Variants in SNUPN observed in about 807,000 individuals in gnomAD.
SNUPN encodes the protein snurportin 1.
In SNUPN, 31 loss-of-function variants were observed where a neutral mutation model predicts 39.2. The ratio of observed to expected loss-of-function variants is 0.79; its 90% CI spans 0.59 to 1.07. The LOEUF is 1.07. Among genes scored for constraint, SNUPN ranks in the 50% least tolerant of loss-of-function variants. The pLI, the probability that SNUPN is intolerant of heterozygous loss-of-function variation, is 0.00. For synonymous variants in SNUPN, 132 were observed against 159.0 expected, an observed-to-expected ratio of 0.83 and a Z score of 1.28; for missense variants, 382 against 434.2, an observed-to-expected ratio of 0.88 and a Z score of 1.07.
intron 2 of SNUPN, among the ~76,000 whole-genome samples, chr15:75,619,100 A>T (rs1331617058): frequency 6.7e-6 from 1 of 148,906 alleles, no homozygotes; most frequent in African/African-American, 2.5e-5. Flanking sequence ...GGGAGGGTGA[A>T]TTGGCCAGAT....
rs2075258205 is a variant in SNUPN, at chr15:75,598,389, G to C, written c.1052C>G (p.Pro351Arg). 1 of 1,614,172 alleles carries C rather than the reference G, an allele frequency of 6.2e-7. No homozygotes were observed. Among genetic ancestry groups the C allele is most frequent in the African/African-American group, 1.3e-5 (1 of 75,042 alleles). The change falls in exon 9 of 9, where the codon CCA (proline) becomes CGA (arginine). Residue 351 changes from proline (P) to arginine (R), a missense_variant. Coordinates refer to ENST00000308588, the MANE Select transcript of SNUPN (RefSeq NM_005701.4). The stretch of plus-strand genomic sequence containing the variant: ...CTCCATGAGGCATCCAGGGTGGTCT[G>C]GGCTATGGGAAGAACCCTTCAACTT... ...TPKLKGSSHS[P>R]DHPGCLMEN
chr15:75,623,492 T>G (rs1282744886), intron 1 of SNUPN, among the ~76,000 whole-genome samples: 1 of 150,786 alleles, frequency 6.6e-6, no homozygotes, highest in Non-Finnish European at 1.5e-5. Flanking sequence ...TCTCCCAGGC[T>G]GGACTACAGT....
intron 7 of SNUPN, among the ~76,000 whole-genome samples, chr15:75,603,488 C>T (rs1483301102): frequency 6.0e-5 from 9 of 149,840 alleles, no homozygotes; most frequent in Admixed American, 2.0e-4. Context: ...AGTGAAACCC[C>T]GTCTCTACTA....
At chr15:75,614,761 G>T (rs1304415510) in intron 3 of SNUPN, among the ~76,000 whole-genome samples, 1 of 152,204 alleles carries the variant, frequency 6.6e-6, no homozygotes, top group Admixed American at 6.5e-5. Context: ...AAATTGTATG[G>T]TATGTGAATT....
At chr15:75,614,058 G>A (rs1008684612) in intron 3 of SNUPN, among the ~76,000 whole-genome samples, 1 of 152,148 alleles carries the variant, frequency 6.6e-6, no homozygotes, top group Non-Finnish European at 1.5e-5. Context: ...GGGAGGCCAA[G>A]GCAGGTGGAT....
intron 1 of SNUPN, 160 bp downstream of exon 1, chr15:75,625,506 A>C (rs1322572449): frequency 6.6e-6 from 1 of 152,230 alleles, no homozygotes; most frequent in East Asian, 1.9e-4. Flanking sequence ...ACGGAATAGA[A>C]GAACGGAAAC....
chr15:75,598,460 CT>C lies in SNUPN; in HGVS notation c.980del (p.Lys327ArgfsTer18). The C allele has an allele frequency of 6.2e-7, 1 of 1,614,172 alleles. No individual in the cohort carries two copies. Among genetic ancestry groups the C allele is most frequent in the Admixed American group, 1.7e-5 (1 of 60,008 alleles). Reference sequence around the variant, plus strand: ...ATTCATAGTGCCCATTCTCAGAGGCCTTGTGTGTGAGTTTCTCCTTCATGCC... The same window carrying C: ...ATTCATAGTGCCCATTCTCAGAGGCCTGTGTGTGAGTTTCTCCTTCATGCC... ...KEGMKEKLTH[K>X]ASENGHYELE... is the part of the protein sequence containing the mutation. On this transcript the variant is annotated frameshift_variant, in exon 9 of 9. Transcript: ENST00000308588. LOFTEE classifies it low-confidence loss of function (END_TRUNC).
Position 75,617,526 on chromosome 15 carries a change from G to A in SNUPN, c.185C>T (p.Ala62Val). 1 of 1,613,200 alleles carries A rather than the reference G, an allele frequency of 6.2e-7. No homozygotes were observed. The highest frequency in any genetic ancestry group is 8.5e-7 in the Non-Finnish European group (1 of 1,179,884). ...KSKRLDYVNH[A>V]RRLAEDDWTG... ...CCAGTCATCTTCAGCCAGTCTTCTG[G>A]CATGGTTCACATAATCCAGCCGCTT... Residue 62 changes from alanine to valine, a missense_variant, in exon 3 of 9, where the codon GCC becomes GTC. By Grantham distance (64) the Ala-to-Val change is moderately conservative. Coordinates refer to ENST00000308588, the MANE Select transcript of SNUPN (RefSeq NM_005701.4).
rs1435951675 is a variant in SNUPN, at chr15:75,598,431, T to G, written c.1010A>C (p.Glu337Ala). Residue 337 changes from glutamate to alanine, a missense_variant, in exon 9 of 9, where the codon GAG becomes GCG. Transcript: ENST00000308588. ...KASENGHYEL[E>A]HLSTPKLKGS... ...CTTCAACTTGGGAGTAGACAGGTGC[T>G]CCAATTCATAGTGCCCATTCTCAGA... The G allele has an allele frequency of 1.2e-6, 2 of 1,614,200 alleles. No individual in the cohort carries two copies. The highest frequency in any genetic ancestry group is 1.7e-5 in the Admixed American group (1 of 60,020).
In SNUPN at chr15:75,616,138, T is replaced by A. The variant is rs536869076; in HGVS notation, c.303+1270A>T. Among the ~76,000 whole-genome samples, 19 of 139,952 alleles carry A rather than the reference T, an allele frequency of 1.4e-4. No homozygotes were observed. In the East Asian group the frequency reaches 2.0e-3, roughly 14 times the overall value. The allele number at this position is 139,952 out of a possible 152,430, so 91.8% of individuals were successfully genotyped here. ...GTGGGAGTGCATCCAATAACCATAT[T>A]CTATTGTGTTTTTTTTTTTCTTTAG... is the stretch of plus-strand genomic sequence containing the variant. On this transcript the variant is annotated intron_variant, in intron 3 of 8. Coordinates refer to ENST00000308588, the MANE Select transcript of SNUPN (RefSeq NM_005701.4).
At chr15:75,613,101 C>CA (rs1261055454) in intron 3 of SNUPN, among the ~76,000 whole-genome samples, 3 of 151,104 alleles carry the variant, frequency 2.0e-5, no homozygotes, top group Admixed American at 6.6e-5. Flanking sequence ...ACTGAAAATA[C>CA]AAAAAAAATT....
intron 1 of SNUPN, 115 bp from the exon 2 acceptor site, chr15:75,621,171 C>A: frequency 2.1e-6 from 2 of 937,398 alleles, no homozygotes; most frequent in Non-Finnish European, 3.2e-6. Flanking sequence ...TAACTTAATG[C>A]AAAATCACAA....
At chr15:75,625,109 G>C (rs1893185667) in intron 1 of SNUPN, 1 of 162,460 alleles carries the variant, frequency 6.2e-6, no homozygotes, top group Non-Finnish European at 1.4e-5. Context: ...TCCTTGGATG[G>C]TGCTGCCTCC....
intron 3 of SNUPN, among the ~76,000 whole-genome samples, chr15:75,616,666 T>C (rs1430836932): frequency 6.6e-6 from 1 of 152,174 alleles, no homozygotes; most frequent in African/African-American, 2.4e-5. Context: ...AAGTATATGA[T>C]AGCAGGGTAG....
rs141302808 is a variant in SNUPN, at chr15:75,615,594, A to ATTTTTTT, written c.303+1807_303+1813dup. On this transcript the variant is annotated intron_variant, in intron 3 of 8. Transcript: ENST00000308588. Reference sequence around the variant, plus strand: ...TTCCTCCTTGGTTGGAAGGAATCTCATTTTTTTTTTTTTTTTTTTTTTTTT... The same window carrying ATTTTTTT: ...TTCCTCCTTGGTTGGAAGGAATCTCATTTTTTTTTTTTTTTTTTTTTTTTTTTTTTTT... 5.9e-4 allele frequency among the ~76,000 whole-genome samples: 44 copies of ATTTTTTT among 73,978 alleles called. 1 individual carries two copies. The highest frequency in any genetic ancestry group is 1.5e-3 in the African/African-American group (29 of 19,408). 48.5% of individuals were successfully genotyped at this position (73,978 alleles called of 152,430 possible).
intron 2 of SNUPN, among the ~76,000 whole-genome samples, chr15:75,619,459 T>C (rs899522118): frequency 6.6e-6 from 1 of 151,926 alleles, no homozygotes; most frequent in Non-Finnish European, 1.5e-5. Flanking sequence ...CTGAGCAATA[T>C]AGGGAGACCC....
intron 6 of SNUPN, 140 bp downstream of exon 6, chr15:75,607,076 G>A: frequency 1.5e-6 from 1 of 689,568 alleles, no homozygotes; most frequent in Non-Finnish European, 2.7e-6. Context: ...AAGATGCAGG[G>A]AGCATTAGAT....
intron 3 of SNUPN, among the ~76,000 whole-genome samples, chr15:75,612,140 C>G (rs1302685943): frequency 1.3e-5 from 2 of 151,876 alleles, no homozygotes; most frequent in Non-Finnish European, 2.9e-5. Flanking sequence ...TCAAGCGATC[C>G]TCCCATTTTA....
At chr15:75,599,488 C>T (rs1193412741) in intron 8 of SNUPN, among the ~76,000 whole-genome samples, 1 of 152,200 alleles carries the variant, frequency 6.6e-6, no homozygotes, top group African/African-American at 2.4e-5. Flanking sequence ...GATTGCTGCA[C>T]ACAGTGGAAA....
Sources: gnomAD v4.1 joint callset for allele counts (sites outside exome capture counted in the v4.1 genomes callset) on GRCh38, gnomAD v4.1.1 for gene constraint, MANE v1.5 for transcripts, NCBI Gene and HGNC (gene_info 2026-07-23, HGNC 2026-07-21) for gene names.